ERI3: variants seen among roughly 807,000 people sequenced by gnomAD.
The protein encoded by ERI3 is ERI1 exoribonuclease 3.
A neutral mutation model predicts 44.4 loss-of-function variants in ERI3; 18 were observed. That is an observed-to-expected ratio of 0.41 (90% CI 0.28 to 0.60). ERI3 has a LOEUF of 0.60. Among genes scored for constraint, ERI3 ranks in the 20% least tolerant of loss-of-function variants. The probability of loss-of-function intolerance (pLI) is 0.36; values close to 1 mark genes in which losing one functional copy is unlikely to be tolerated. For missense variants in ERI3, 294 were observed against 435.5 expected (o/e 0.68, Z 2.89); for synonymous variants, 183 against 164.8 (o/e 1.11, Z -0.84).
intron 2 of ERI3, among the ~76,000 whole-genome samples, chr1:44,341,641 C>T (rs1646654996): frequency 6.6e-6 from 1 of 152,200 alleles, no homozygotes; most frequent in Non-Finnish European, 1.5e-5. Flanking sequence ...AATCCCAGCA[C>T]TGTGGGAGGC....
chr1:44,336,326 G>C (rs1557862222), intron 3 of ERI3, among the ~76,000 whole-genome samples: 1 of 152,110 alleles, frequency 6.6e-6, no homozygotes, highest in Non-Finnish European at 1.5e-5. Flanking sequence ...CCTTAAAAAA[G>C]CTCTCCCATA....
At chr1:44,246,818 A>G (rs1216015065) in intron 8 of ERI3, among the ~76,000 whole-genome samples, 1 of 152,184 alleles carries the variant, frequency 6.6e-6, no homozygotes, top group African/African-American at 2.4e-5. Flanking sequence ...GTACCAGTGA[A>G]TGTCTGGAAT....
intron 3 of ERI3, chr1:44,322,869 T>G: frequency 6.5e-7 from 1 of 1,545,194 alleles, no homozygotes; most frequent in Middle Eastern, 1.8e-4. Context: ...TGACAAACAT[T>G]TTGAAGATTT....
chr1:44,286,434 T>C (rs1288784767), intron 6 of ERI3, among the ~76,000 whole-genome samples: 1 of 152,168 alleles, frequency 6.6e-6, no homozygotes, highest in Non-Finnish European at 1.5e-5. Flanking sequence ...TATCTAGTTT[T>C]GAAGAGAGGT....
chr1:44,320,843 C>A (rs1338180157), intron 3 of ERI3, among the ~76,000 whole-genome samples: 3 of 152,050 alleles, frequency 2.0e-5, no homozygotes, highest in Non-Finnish European at 4.4e-5. Flanking sequence ...AAGCAAAATT[C>A]TCTGAGTAAA....
At chr1:44,347,778 A>T (rs1646813505) in intron 2 of ERI3, among the ~76,000 whole-genome samples, 1 of 148,752 alleles carries the variant, frequency 6.7e-6, no homozygotes, top group African/African-American at 2.4e-5. Context: ...CATGTGTTAA[A>T]AAAAAAAAAA....
chr1:44,336,355 T>C (rs1646535421), intron 3 of ERI3, among the ~76,000 whole-genome samples: 1 of 152,220 alleles, frequency 6.6e-6, no homozygotes, highest in Admixed American at 6.5e-5. Flanking sequence ...AGATTTTAAG[T>C]TGCTACTAAC....
At position 44,228,681 on chromosome 1, in the gene ERI3, C is replaced by T. The variant is rs934014556; in HGVS notation, c.932-7041G>A. On this transcript the variant is annotated intron_variant, in intron 8 of 8. Transcript: ENST00000372257. This position sits in a 1 kb window ranked among gnomAD's most constrained non-coding sequence, Gnocchi z 4.3. Reference sequence around the variant, plus strand: ...CCGCCAGCTCACAGCCACTTGGGGGCAGTGGGGTGGAGGGGGGGATGTGCC... The same window carrying T: ...CCGCCAGCTCACAGCCACTTGGGGGTAGTGGGGTGGAGGGGGGGATGTGCC... Among the ~76,000 whole-genome samples, 6 of 152,096 alleles carry T rather than the reference C, an allele frequency of 3.9e-5. No homozygotes were observed. The highest frequency in any genetic ancestry group is 2.4e-5 in the African/African-American group (1 of 41,420).
intron 8 of ERI3, among the ~76,000 whole-genome samples, chr1:44,231,378 A>G (rs1644180036): frequency 6.6e-6 from 1 of 151,442 alleles, no homozygotes; most frequent in Admixed American, 6.6e-5. Flanking sequence ...TTCCTTGCCC[A>G]CTTCTTTTTC....
intron 6 of ERI3, among the ~76,000 whole-genome samples, chr1:44,289,679 AC>A (rs1281578933): frequency 6.6e-6 from 1 of 152,184 alleles, no homozygotes; most frequent in African/African-American, 2.4e-5. Context: ...ACTGAGCCAT[AC>A]TGGCTGGGCC....
chr1:44,340,517 G>A (rs1258226423), intron 2 of ERI3, among the ~76,000 whole-genome samples: 2 of 152,184 alleles, frequency 1.3e-5, no homozygotes, highest in Non-Finnish European at 2.9e-5. Context: ...AGCACCCTGT[G>A]AAGTCCAGCG....
chr1:44,331,786 T>C (rs1417910039), intron 3 of ERI3, among the ~76,000 whole-genome samples: 2 of 152,214 alleles, frequency 1.3e-5, no homozygotes, highest in East Asian at 3.9e-4. Flanking sequence ...CCTTCTTCTC[T>C]TCCTGCTATA....
chr1:44,281,588 G>GAAAAAAA lies in ERI3; in HGVS notation c.831+3240_831+3246dup, dbSNP rs769332763. On this transcript the variant is annotated intron_variant, in intron 7 of 8. Transcript: ENST00000372257. ...GGGTGACAGAGTGAGACCCCGTCTC[G>GAAAAAAA]AAAAAAAAAAAAAATATATATATAT... 9.5e-4 allele frequency among the ~76,000 whole-genome samples: 99 copies of GAAAAAAA among 103,806 alleles called. 3 individuals carry two copies. The highest frequency in any genetic ancestry group is 1.4e-3 in the Admixed American group (13 of 9,430). 68.1% of individuals were successfully genotyped at this position (103,806 alleles called of 152,430 possible).
chr1:44,351,768 C>T (rs1007627290), intron 2 of ERI3, among the ~76,000 whole-genome samples: 10 of 152,200 alleles, frequency 6.6e-5, no homozygotes, highest in African/African-American at 2.4e-4. Context: ...TCTGTTTCAG[C>T]CACATTGAAC....
At chr1:44,293,114 C>A (rs1414809733) in intron 6 of ERI3, among the ~76,000 whole-genome samples, 2 of 152,248 alleles carry the variant, frequency 1.3e-5, no homozygotes, top group Non-Finnish European at 2.9e-5. Context: ...CTAGGGAGAA[C>A]TCTGGCAGTA....
At chr1:44,299,349 TTTTTTA>T (rs201009715) in intron 6 of ERI3, among the ~76,000 whole-genome samples, 2,747 of 152,040 alleles carry the variant, frequency 0.018, 30 homozygotes, top group African/African-American at 0.026. Flanking sequence ...CACCAGGTTA[TTTTTTA>T]TTTTTATTTT....
Position 44,339,333 on chromosome 1 carries a change from G to C in ERI3, c.212-11C>G, listed in dbSNP as rs1236770702. On this transcript the variant is annotated splice_polypyrimidine_tract_variant and intron_variant, in intron 2 of 8. Coordinates refer to ENST00000372257, the MANE Select transcript of ERI3 (RefSeq NM_024066.3). ...CAGAAGCATCTAAAACTTAGGGGAG[G>C]AAAGTTTAAAAAAAAAAAAAAAAAA... 2 of 877,794 alleles carry C rather than the reference G, an allele frequency of 2.3e-6. No homozygotes were observed. The highest frequency in any genetic ancestry group is 2.0e-5 in the African/African-American group (1 of 49,682). The allele number at this position is 877,794 out of a possible 1,614,324, so 54.4% of individuals were successfully genotyped here. A position where few individuals can be genotyped will look rare whatever the true frequency, so the allele number is the denominator to read the frequency against.
intron 7 of ERI3, among the ~76,000 whole-genome samples, chr1:44,259,463 G>GT (rs1439507785): frequency 1.3e-5 from 2 of 151,370 alleles, no homozygotes; most frequent in African/African-American, 4.8e-5. Context: ...AAAGGACACG[G>GT]TAAGGGCTTT....
rs10574197 is a variant in ERI3, at chr1:44,281,878, A to ATGTGTGTGTGTG, written c.831+2945_831+2956dup. On this transcript the variant is annotated intron_variant, in intron 7 of 8. Transcript: ENST00000372257. ...CATGTGTATATTTATACATGTGCAT[A>ATGTGTGTGTGTG]TGTGTGTGTGTGTGTGTGTGTGTGT... is the stretch of plus-strand genomic sequence containing the variant. Among the ~76,000 whole-genome samples, 227 of 127,000 alleles carry ATGTGTGTGTGTG rather than the reference A, an allele frequency of 1.8e-3. 1 individual carries two copies. The highest frequency in any genetic ancestry group is 4.1e-3 in the Middle Eastern group (1 of 242). 83.3% of individuals were successfully genotyped at this position (127,000 alleles called of 152,430 possible).
Sources: allele counts gnomAD v4.1 joint callset (sites outside exome capture counted in the v4.1 genomes callset), GRCh38; gene constraint gnomAD v4.1.1; non-coding constraint Gnocchi (gnomAD v3.1); transcripts MANE v1.5; gene names NCBI Gene and HGNC (gene_info 2026-07-23, HGNC 2026-07-21).